POU2AF1: variants seen among roughly 807,000 people sequenced by gnomAD.
POU2AF1 encodes POU class 2 homeobox associating factor 1.
In POU2AF1, 12 loss-of-function variants were observed where a neutral mutation model predicts 26.3. The observed-to-expected ratio is 0.46, with a 90% CI of 0.29 to 0.74. POU2AF1 has a LOEUF of 0.74. Among genes scored for constraint, POU2AF1 ranks in the 30% least tolerant of loss-of-function variants. The probability of loss-of-function intolerance (pLI) is 0.09; values close to 1 mark genes in which losing one functional copy is unlikely to be tolerated. For synonymous variants in POU2AF1, 175 were observed against 148.0 expected, an observed-to-expected ratio of 1.18 and a Z score of -1.32; for missense variants, 297 against 334.5, an observed-to-expected ratio of 0.89 and a Z score of 0.87.
At chr11:111,361,427 T>A (rs545639200) in intron 1 of POU2AF1, among the ~76,000 whole-genome samples, 1 of 152,336 alleles carries the variant, frequency 6.6e-6, no homozygotes, top group South Asian at 2.1e-4. Context: ...GTTCTTAGAT[T>A]TATTTAATGT....
intron 1 of POU2AF1, among the ~76,000 whole-genome samples, chr11:111,362,634 C>G (rs1304655233): frequency 6.6e-6 from 1 of 152,350 alleles, no homozygotes; most frequent in African/African-American, 2.4e-5. Context: ...CTGTTGCACA[C>G]GTCAGTTCTG....
chr11:111,363,521 T>C, intron 1 of POU2AF1: 9 of 990,734 alleles, frequency 9.1e-6, no homozygotes, highest in Non-Finnish European at 1.1e-5. Flanking sequence ...AGCCCACAAA[T>C]ACAAATTTGG....
At chr11:111,379,025 C>CCCCGGGG in intron 1 of POU2AF1, 137 bp downstream of exon 1, 1 of 623,470 alleles carries the variant, frequency 1.6e-6, no homozygotes, top group Non-Finnish European at 2.7e-6. Flanking sequence ...CTCCCTGCTC[C>CCCCGGGG]GGGGCTTGGA....
At chr11:111,375,837 C>T (rs1257624933) in intron 1 of POU2AF1, among the ~76,000 whole-genome samples, 1 of 152,226 alleles carries the variant, frequency 6.6e-6, no homozygotes, top group Non-Finnish European at 1.5e-5. Context: ...TCTGTCACAA[C>T]TACTCAACTC....
In POU2AF1 at chr11:111,357,575, A is replaced by G; in HGVS notation, c.326T>C (p.Val109Ala). 1 of 1,614,102 alleles carries G rather than the reference A, an allele frequency of 6.2e-7. No homozygotes were observed. Among genetic ancestry groups the G allele is most frequent in the Non-Finnish European group, 8.5e-7 (1 of 1,179,976 alleles). ...GGGGCAGCTGACAGCTTCATGGGGCACATACTCGGTGTAAGGTGTCCATGG... is the reference window on the plus strand; with the variant it reads ...GGGGCAGCTGACAGCTTCATGGGGCGCATACTCGGTGTAAGGTGTCCATGG... Reference protein sequence around the residue: ...LAPWTPYTEYVPHEAVSCPYS... With the variant: ...LAPWTPYTEYAPHEAVSCPYS... Residue 109 changes from valine to alanine, a missense_variant, in exon 4 of 5, where the codon GTG becomes GCG. By Grantham distance (64) the Val-to-Ala change is moderately conservative. Coordinates refer to ENST00000393067, the MANE Select transcript of POU2AF1 (RefSeq NM_006235.3).
At position 111,353,397 on chromosome 11, in the gene POU2AF1, T is replaced by C; in HGVS notation, c.*864A>G. ...CTCTCTCCAACTAAGATGCACAGCC[T>C]GTTCCCATCCCTCCTCTGTCCCTCT... On this transcript the variant is annotated 3_prime_UTR_variant, in exon 5 of 5. Transcript: ENST00000393067. The C allele has an allele frequency of 4.3e-6, 1 of 234,030 alleles. No homozygotes were observed. 14.5% of individuals were successfully genotyped at this position (234,030 alleles called of 1,614,324 possible). A position where few individuals can be genotyped will look rare whatever the true frequency, so the allele number is the denominator to read the frequency against.
intron 1 of POU2AF1, chr11:111,363,537 GA>G (rs1861050506): frequency 1.3e-5 from 13 of 963,914 alleles, no homozygotes; most frequent in East Asian, 7.5e-5. Context: ...TTTGGGAGAG[GA>G]AAAAAGTTTG....
chr11:111,361,520 A>C (rs1861008115), intron 1 of POU2AF1, among the ~76,000 whole-genome samples: 2 of 152,372 alleles, frequency 1.3e-5, no homozygotes, highest in Non-Finnish European at 2.9e-5. Context: ...AACCAAAATA[A>C]TACATGGGGA....
intron 1 of POU2AF1, among the ~76,000 whole-genome samples, chr11:111,366,903 C>G (rs1189640670): frequency 6.6e-6 from 1 of 152,114 alleles, no homozygotes; most frequent in Non-Finnish European, 1.5e-5. Context: ...TCACAGGGAT[C>G]CCTCTAGGTT....
intron 1 of POU2AF1, among the ~76,000 whole-genome samples, chr11:111,378,760 C>G (rs1861360962): frequency 6.6e-6 from 1 of 152,210 alleles, no homozygotes; most frequent in African/African-American, 2.4e-5. Context: ...AGAGCCACTG[C>G]TTATGGAAAT....
intron 2 of POU2AF1, among the ~76,000 whole-genome samples, chr11:111,358,446 A>ACACTCACACACACTCACACACACACT (rs753932393): frequency 9.9e-6 from 1 of 101,022 alleles, no homozygotes; most frequent in Non-Finnish European, 2.2e-5. Context: ...TCACTCTCAC[A>ACACTCACACACACTCACACACACACT]CACACACACT....
In POU2AF1 at chr11:111,369,314, T is replaced by C. The variant is rs375829965; in HGVS notation, c.16+9848A>G. On this transcript the variant is annotated intron_variant, in intron 1 of 4. Coordinates refer to ENST00000393067, the MANE Select transcript of POU2AF1 (RefSeq NM_006235.3). ...TAGGTTTGCAGCAGATGTGAGTTTTTAAAGTATGACTTCAGAAATGAAAAA... is the reference window on the plus strand; with the variant it reads ...TAGGTTTGCAGCAGATGTGAGTTTTCAAAGTATGACTTCAGAAATGAAAAA... 1.2e-4 allele frequency among the ~76,000 whole-genome samples: 18 copies of C among 152,358 alleles called. No homozygotes were observed. The East Asian group carries it at 3.3e-3, about 28-fold the overall frequency.
At chr11:111,379,050 C>T in intron 1 of POU2AF1, 112 bp downstream of exon 1, 1 of 1,315,232 alleles carries the variant, frequency 7.6e-7, no homozygotes, top group Non-Finnish European at 1.1e-6. Flanking sequence ...AGACCCCCTC[C>T]CCCCGTGGCC....
chr11:111,356,500 C>T (rs1344464738), intron 4 of POU2AF1, among the ~76,000 whole-genome samples: 1 of 152,224 alleles, frequency 6.6e-6, no homozygotes, highest in African/African-American at 2.4e-5. Context: ...GGCTCTGGGA[C>T]TGCTCAAGGC....
chr11:111,355,813 C>T (rs1860834256), intron 4 of POU2AF1, among the ~76,000 whole-genome samples: 1 of 152,216 alleles, frequency 6.6e-6, no homozygotes. Context: ...GTACACCCCA[C>T]CACAGCATAA....
intron 1 of POU2AF1, among the ~76,000 whole-genome samples, chr11:111,371,770 T>C (rs1370132880): frequency 6.6e-6 from 1 of 152,058 alleles, no homozygotes; most frequent in African/African-American, 2.4e-5. Flanking sequence ...AGAAAACCCC[T>C]ACCACAATCC....
At chr11:111,361,140 C>G (rs559112269) in intron 1 of POU2AF1, among the ~76,000 whole-genome samples, 1 of 152,226 alleles carries the variant, frequency 6.6e-6, no homozygotes, top group East Asian at 1.9e-4. Flanking sequence ...ATTTCTAGTG[C>G]CTAGGAGTAC....
At chr11:111,364,073 C>G (rs757107191) in intron 1 of POU2AF1, 132 of 900,154 alleles carry the variant, frequency 1.5e-4, no homozygotes, top group Non-Finnish European at 1.7e-4. Context: ...AAGGGCTTCC[C>G]TTTTCCAAAA....
At chr11:111,365,675 G>A (rs965931138) in intron 1 of POU2AF1, among the ~76,000 whole-genome samples, 5 of 152,088 alleles carry the variant, frequency 3.3e-5, no homozygotes, top group East Asian at 3.9e-4. Context: ...TTTCACTTTC[G>A]TATAAAGAAT....
Sources: gnomAD v4.1 joint callset for allele counts (sites outside exome capture counted in the v4.1 genomes callset) on GRCh38, gnomAD v4.1.1 for gene constraint, MANE v1.5 for transcripts, NCBI Gene and HGNC (gene_info 2026-07-23, HGNC 2026-07-21) for gene names.